PDZRN3: variants seen among roughly 807,000 people sequenced by gnomAD.
The protein encoded by PDZRN3 is PDZ domain containing ring finger 3.
Under a neutral mutation model 85.7 loss-of-function variants are expected in PDZRN3, and 38 were observed. The ratio of observed to expected loss-of-function variants is 0.44; its 90% CI spans 0.34 to 0.58. The LOEUF (loss-of-function observed/expected upper bound fraction) is 0.58. Among genes scored for constraint, PDZRN3 ranks in the 20% least tolerant of loss-of-function variants. PDZRN3 has a pLI of 0.01. For synonymous variants in PDZRN3, 759 were observed against 638.0 expected, an observed-to-expected ratio of 1.19 and a Z score of -2.86; for missense variants, 1,629 against 1,506.4, an observed-to-expected ratio of 1.08 and a Z score of -1.35.
In PDZRN3 at chr3:73,384,792, C is replaced by T. The variant is rs753086474; in HGVS notation, c.1774G>A (p.Asp592Asn). 1 of 1,613,868 alleles carries T rather than the reference C, an allele frequency of 6.2e-7. No homozygotes were observed. Among genetic ancestry groups the T allele is most frequent in the Non-Finnish European group, 8.5e-7 (1 of 1,180,062 alleles). Residue 592 changes from aspartate (D) to asparagine (N), a missense_variant, in exon 10 of 10, where the codon GAC becomes AAC. Transcript: ENST00000263666. ...AGCGGGTTGGAGGATGCGGTGGCGT[C>T]GTCGCCATTGTTCTCTTGCTCCGAG... is the stretch of plus-strand genomic sequence containing the variant. The part of the protein sequence containing the change: ...ESSEQENNGD[D>N]ATASSNPLAG...
intron 3 of PDZRN3, among the ~76,000 whole-genome samples, chr3:73,425,264 C>T (rs960152891): frequency 2.6e-5 from 4 of 152,036 alleles, no homozygotes; most frequent in East Asian, 1.9e-4. Flanking sequence ...GTGATCCACC[C>T]GCCTCAGCCT....
intron 3 of PDZRN3, among the ~76,000 whole-genome samples, chr3:73,532,886 C>T (rs1381563952): frequency 6.6e-6 from 1 of 152,180 alleles, no homozygotes; most frequent in Non-Finnish European, 1.5e-5. Flanking sequence ...ATTTATCATT[C>T]AGCCCTTCAG....
chr3:73,548,093 G>A (rs981518096), intron 3 of PDZRN3, among the ~76,000 whole-genome samples: 3 of 152,200 alleles, frequency 2.0e-5, no homozygotes, highest in Non-Finnish European at 4.4e-5. Context: ...AGCGGGGGAA[G>A]CTTCAGACAT....
chr3:73,444,495 C>A (rs1259665583), intron 3 of PDZRN3, among the ~76,000 whole-genome samples: 2 of 152,194 alleles, frequency 1.3e-5, no homozygotes, highest in African/African-American at 4.8e-5. Context: ...TGGTTTATGA[C>A]CAATAAATAG....
chr3:73,416,120 T>G (rs1449451145), intron 3 of PDZRN3, among the ~76,000 whole-genome samples: 2 of 151,872 alleles, frequency 1.3e-5, no homozygotes, highest in East Asian at 1.9e-4. Context: ...ATCATGGGAG[T>G]TGGCTGCTGT....
At chr3:73,433,918 GCA>G in intron 3 of PDZRN3, 7 of 1,418,862 alleles carry the variant, frequency 4.9e-6, no homozygotes, top group Non-Finnish European at 6.4e-6. Flanking sequence ...ATGCATGCAT[GCA>G]CGCGCGTGCA....
At chr3:73,415,648 A>G (rs543210671) in intron 3 of PDZRN3, among the ~76,000 whole-genome samples, 2 of 152,318 alleles carry the variant, frequency 1.3e-5, no homozygotes, top group Middle Eastern at 6.8e-3. Context: ...GAGATATTCA[A>G]AATTTTATTA....
chr3:73,618,701 C>T (rs2106917405), intron 1 of PDZRN3, among the ~76,000 whole-genome samples: 1 of 152,328 alleles, frequency 6.6e-6, no homozygotes, highest in Middle Eastern at 3.4e-3. Context: ...TTTCTGAACA[C>T]AGAAAGAGCC....
At chr3:73,516,095 T>G (rs1009978341) in intron 3 of PDZRN3, among the ~76,000 whole-genome samples, 1 of 152,248 alleles carries the variant, frequency 6.6e-6, no homozygotes, top group Non-Finnish European at 1.5e-5. Flanking sequence ...TGTATTGTTA[T>G]TTAACATTTA....
chr3:73,456,222 G>GCA (rs1289754132), intron 3 of PDZRN3, among the ~76,000 whole-genome samples: 15 of 151,738 alleles, frequency 9.9e-5, no homozygotes, highest in African/African-American at 3.6e-4. Flanking sequence ...GTGTGCGCGC[G>GCA]TGCGCTTCTC....
intron 3 of PDZRN3, among the ~76,000 whole-genome samples, chr3:73,493,785 A>G (rs1703819070): frequency 6.6e-6 from 1 of 152,208 alleles, no homozygotes; most frequent in Non-Finnish European, 1.5e-5. Flanking sequence ...AACTGGGCCA[A>G]TGGGTGACCT....
At chr3:73,493,525 C>G (rs566911585) in intron 3 of PDZRN3, among the ~76,000 whole-genome samples, 5 of 152,096 alleles carry the variant, frequency 3.3e-5, no homozygotes, top group Non-Finnish European at 7.3e-5. Flanking sequence ...AGAAGATAAG[C>G]ACTCATGGAA....
At chr3:73,514,581 T>G (rs1332788170) in intron 3 of PDZRN3, among the ~76,000 whole-genome samples, 1 of 152,166 alleles carries the variant, frequency 6.6e-6, no homozygotes, top group Non-Finnish European at 1.5e-5. Flanking sequence ...TGTAAGAAAT[T>G]TCAACCAATT....
intron 3 of PDZRN3, among the ~76,000 whole-genome samples, chr3:73,527,006 C>A (rs1273090634): frequency 6.6e-6 from 1 of 152,076 alleles, no homozygotes; most frequent in Non-Finnish European, 1.5e-5. Context: ...TCATCACCAC[C>A]CCCAGCTAAT....
chr3:73,600,280 G>A (rs1702494100), intron 3 of PDZRN3, among the ~76,000 whole-genome samples: 1 of 150,178 alleles, frequency 6.7e-6, no homozygotes, highest in Non-Finnish European at 1.5e-5. Flanking sequence ...GAAAACTAGA[G>A]ACTTTGACTC....
Position 73,384,940 on chromosome 3 carries a change from C to G in PDZRN3, c.1636-10G>C, listed in dbSNP as rs140353698. ...CTTCGTCGTGCTTCTTCTGCATAAA[C>G]ACAAGAACAAAGGGTCACAGTGAGG... On this transcript the variant is annotated splice_polypyrimidine_tract_variant and intron_variant, in intron 9 of 9. Transcript: ENST00000263666. 3.8e-3 allele frequency: 6,078 copies of G among 1,581,998 alleles called. 27 individuals are homozygous for G. The highest frequency in any genetic ancestry group is 0.01 in the South Asian group (853 of 84,960).
intron 3 of PDZRN3, among the ~76,000 whole-genome samples, chr3:73,465,379 A>ATAGATGCCT (rs1703192922): frequency 6.6e-6 from 1 of 152,214 alleles, no homozygotes; most frequent in African/African-American, 2.4e-5. Context: ...AAATTGCCTT[A>ATAGATGCCT]TATAGATGGT....
intron 3 of PDZRN3, among the ~76,000 whole-genome samples, chr3:73,447,753 C>T (rs1191212462): frequency 2.6e-5 from 4 of 152,174 alleles, no homozygotes; most frequent in Non-Finnish European, 5.9e-5. Flanking sequence ...AGATGTGGCC[C>T]CAGCCTTCTG....
rs932532437 is a variant in PDZRN3 at position 73,389,988 on chromosome 3, G to C, written c.1354-110C>G. ...CAGTCATGCTCACCCCTGTGTTTCTGTTTTGCACAGAAATAAACAAGACTT... is the reference window on the plus strand; with the variant it reads ...CAGTCATGCTCACCCCTGTGTTTCTCTTTTGCACAGAAATAAACAAGACTT... On this transcript the variant is annotated intron_variant, in intron 6 of 9. Transcript: ENST00000263666. 4 of 811,834 alleles carry C rather than the reference G, an allele frequency of 4.9e-6. No individual in the cohort carries two copies. The African/African-American group carries it at 6.7e-5, about 14-fold the overall frequency. The allele number at this position is 811,834 out of a possible 1,614,324, so 50.3% of individuals were successfully genotyped here.
Sources: allele counts gnomAD v4.1 joint callset (sites outside exome capture counted in the v4.1 genomes callset), GRCh38; gene constraint gnomAD v4.1.1; transcripts MANE v1.5; gene names NCBI Gene and HGNC (gene_info 2026-07-23, HGNC 2026-07-21).